Variants in HOXC6 observed in about 807,000 individuals in gnomAD.
HOXC6 encodes the protein homeobox C6, also known as homeobox protein Hox-C6.
HOXC6 carries 10 observed loss-of-function variants against 24.0 expected under a neutral mutation model. The observed-to-expected ratio is 0.42, with a 90% CI of 0.26 to 0.71. The LOEUF (loss-of-function observed/expected upper bound fraction) is 0.71, where lower values mean the gene tolerates loss of function less well. Among genes scored for constraint, HOXC6 ranks in the 30% least tolerant of loss-of-function variants. The pLI, the probability that HOXC6 is intolerant of heterozygous loss-of-function variation, is 0.28. For synonymous variants in HOXC6, 123 were observed against 128.1 expected, an observed-to-expected ratio of 0.96 and a Z score of 0.27; for missense variants, 258 against 303.4, an observed-to-expected ratio of 0.85 and a Z score of 1.11.
chr12:54,017,982 A>T (rs765366292), intron 1 of HOXC6, among the ~76,000 whole-genome samples: 10 of 152,184 alleles, frequency 6.6e-5, no homozygotes, highest in Non-Finnish European at 1.2e-4. Flanking sequence ...GCCGCCGAGC[A>T]GGAAGCCGGC....
chr12:54,028,353 C>T (rs113823335), upstream of HOXC6: 6 of 634,768 alleles, frequency 9.5e-6, no homozygotes, highest in African/African-American at 1.8e-5. Flanking sequence ...CGATTTTTTT[C>T]CCCCTTCCTG....
At position 54,028,565 on chromosome 12, in the gene HOXC6, CCGG is replaced by C; in HGVS notation, c.45_47del (p.Gly17del). The stretch of plus-strand genomic sequence containing the variant: ...AACCCTTCCTTATCCTGCCACCTCG[CCGG>C]GGGCCAGGACGTCCTCCCCAACGTC... On this transcript the variant is annotated inframe_deletion, in exon 1 of 2. Transcript: ENST00000243108. 6.2e-7 allele frequency: 1 copy of C among 1,614,168 alleles called. No homozygotes were observed. Among genetic ancestry groups the C allele is most frequent in the Non-Finnish European group, 8.5e-7 (1 of 1,180,038 alleles).
At position 54,029,964 on chromosome 12, in the gene HOXC6, C is replaced by T; in HGVS notation, c.*2C>T. The stretch of plus-strand genomic sequence containing the variant: ...GAAGAGGAGAAGCAGAAAGAGTGAC[C>T]AGGACTGTCCCTGCCACCCCTCTCT... On this transcript the variant is annotated 3_prime_UTR_variant, in exon 2 of 2. Coordinates refer to ENST00000243108, the MANE Select transcript of HOXC6 (RefSeq NM_004503.4). 6.5e-7 allele frequency: 1 copy of T among 1,544,974 alleles called. No individual in the cohort carries two copies. The highest frequency in any genetic ancestry group is 8.7e-7 in the Non-Finnish European group (1 of 1,145,298).
intron 1 of HOXC6, among the ~76,000 whole-genome samples, chr12:54,018,365 G>A (rs895197455): frequency 1.3e-5 from 2 of 152,196 alleles, no homozygotes; most frequent in Non-Finnish European, 2.9e-5. Flanking sequence ...GTGGAAATGG[G>A]GAAGGCCCTA....
chr12:54,017,748 T>A (rs556030838), intron 1 of HOXC6, among the ~76,000 whole-genome samples: 1 of 152,218 alleles, frequency 6.6e-6, no homozygotes, highest in African/African-American at 2.4e-5. Flanking sequence ...TTATTATAGA[T>A]CTTCGGTCTC....
At chr12:54,029,488 C>A in intron 1 of HOXC6, 167 bp from the exon 2 acceptor site, 1 of 397,724 alleles carries the variant, frequency 2.5e-6, no homozygotes, top group Non-Finnish European at 4.4e-6. Flanking sequence ...GGGGTCCTCG[C>A]TGTACCCCCA....
Position 54,030,134 on chromosome 12 carries a change from A to C in HOXC6, c.*172A>C. 1 of 604,528 alleles carries C rather than the reference A, an allele frequency of 1.7e-6. No individual in the cohort carries two copies. Among genetic ancestry groups the C allele is most frequent in the Non-Finnish European group, 2.8e-6 (1 of 354,530 alleles). 37.4% of individuals were successfully genotyped at this position (604,528 alleles called of 1,614,324 possible). On this transcript the variant is annotated 3_prime_UTR_variant, in exon 2 of 2. Coordinates refer to ENST00000243108, the MANE Select transcript of HOXC6 (RefSeq NM_004503.4). Reference sequence around the variant, plus strand: ...AAGTCAGCTCTGGACCCCCTCCCTCACCGCACAACTCTCTTTCACCACGCG... The same window carrying C: ...AAGTCAGCTCTGGACCCCCTCCCTCCCCGCACAACTCTCTTTCACCACGCG...
At chr12:54,023,622 C>T (rs138309212), upstream of HOXC6, among the ~76,000 whole-genome samples, 656 of 152,310 alleles carry the variant, frequency 4.3e-3, 5 homozygotes, top group African/African-American at 0.015. Context: ...TCCTTTCCCC[C>T]TCCCTGCTGA....
At chr12:54,018,351 G>T (rs1056037318) in intron 1 of HOXC6, among the ~76,000 whole-genome samples, 3 of 152,222 alleles carry the variant, frequency 2.0e-5, no homozygotes, top group Admixed American at 6.5e-5. Context: ...CGCCTCGGGG[G>T]GAGGTGGAAA....
chr12:54,029,875 G>C lies in HOXC6; in HGVS notation c.621G>C (p.Ser207=), dbSNP rs1236771363. 6.2e-7 allele frequency: 1 copy of C among 1,612,668 alleles called. No homozygotes were observed. The highest frequency in any genetic ancestry group is 8.5e-7 in the Non-Finnish European group (1 of 1,179,238). The change falls in exon 2 of 2, where the codon TCG becomes TCC. Residue 207 remains serine, a synonymous_variant. Transcript: ENST00000243108. ...KKESNLTSTL[S]GGGGGATADS... The stretch of plus-strand genomic sequence containing the variant: ...AATCTAATCTCACATCCACTCTCTC[G>C]GGGGGCGGCGGAGGGGCCACCGCCG...
chr12:54,030,063 G>A lies in HOXC6; in HGVS notation c.*101G>A. On this transcript the variant is annotated 3_prime_UTR_variant, in exon 2 of 2. Coordinates refer to ENST00000243108, the MANE Select transcript of HOXC6 (RefSeq NM_004503.4). ...TATTTATCACTGGCACAATTGATGT[G>A]TTTTGATTCCCTAAAACAAAATTAG... 3 of 1,211,876 alleles carry A rather than the reference G, an allele frequency of 2.5e-6. No individual in the cohort carries two copies. Among genetic ancestry groups the A allele is most frequent in the South Asian group, 1.7e-5 (1 of 59,310 alleles). 75.1% of individuals were successfully genotyped at this position (1,211,876 alleles called of 1,614,324 possible). A position where few individuals can be genotyped will look rare whatever the true frequency, so the allele number is the denominator to read the frequency against.
chr12:54,023,612 T>C (rs2136425136), upstream of HOXC6, among the ~76,000 whole-genome samples: 2 of 152,254 alleles, frequency 1.3e-5, no homozygotes, highest in South Asian at 2.1e-4. Flanking sequence ...GCCCTCTTCC[T>C]CCTTTCCCCC....
intron 1 of HOXC6, among the ~76,000 whole-genome samples, chr12:54,023,282 A>G (rs1940532697): frequency 6.6e-6 from 1 of 152,178 alleles, no homozygotes; most frequent in Admixed American, 6.5e-5. Flanking sequence ...GACCTATTTT[A>G]CGTTTTAACC....
rs2136439230 is a variant in HOXC6, at chr12:54,029,682, G to A, written c.428G>A (p.Arg143His). 1 of 1,613,670 alleles carries A rather than the reference G, an allele frequency of 6.2e-7. No homozygotes were observed. Residue 143 changes from arginine (R) to histidine (H), a missense_variant, in exon 2 of 2, where the codon CGC becomes CAC. Transcript: ENST00000243108. Reference sequence around the variant, plus strand: ...GTCGGCTACGGAGCGGACCGGAGGCGCGGCCGCCAGATCTACTCGCGGTAC... The same window carrying A: ...GTCGGCTACGGAGCGGACCGGAGGCACGGCCGCCAGATCTACTCGCGGTAC... ...SGVGYGADRR[R>H]GRQIYSRYQT...
At chr12:54,024,717 C>T (rs372521106), upstream of HOXC6, among the ~76,000 whole-genome samples, 28 of 152,224 alleles carry the variant, frequency 1.8e-4, no homozygotes, top group African/African-American at 6.7e-4. Flanking sequence ...TTTCCCTGGC[C>T]TAAAGGGGAG....
upstream of HOXC6, among the ~76,000 whole-genome samples, chr12:54,026,936 T>C (rs868174429): frequency 4.1e-3 from 565 of 138,550 alleles, 4 homozygotes; most frequent in African/African-American, 0.014. Flanking sequence ...TAGCCAGCTT[T>C]CCCCCCCCCC....
Position 54,030,159 on chromosome 12 carries a change from G to GCCT in HOXC6, c.*208_*210dup. 1.8e-6 allele frequency: 1 copy of GCCT among 541,014 alleles called. No individual in the cohort carries two copies. Among genetic ancestry groups the GCCT allele is most frequent in the Non-Finnish European group, 3.2e-6 (1 of 309,404 alleles). 33.5% of individuals were successfully genotyped at this position (541,014 alleles called of 1,614,324 possible). ...ACCGCACAACTCTCTTTCACCACGC[G>GCCT]CCTCCTCCTCCTCGCTCCCTTGCTA... On this transcript the variant is annotated 3_prime_UTR_variant, in exon 2 of 2. Coordinates refer to ENST00000243108, the MANE Select transcript of HOXC6 (RefSeq NM_004503.4).
chr12:54,023,930 C>T (rs1565737818), upstream of HOXC6, among the ~76,000 whole-genome samples: 1 of 152,132 alleles, frequency 6.6e-6, no homozygotes, highest in African/African-American at 2.4e-5. Context: ...AGGCTCTTTG[C>T]GATCTGATCC....
exon 1 of HOXC6, chr12:54,016,913 C>T (rs2136410368): frequency 6.6e-6 from 1 of 152,344 alleles, no homozygotes; most frequent in South Asian, 2.1e-4. Context: ...CTGTAAGAGC[C>T]TAACCATTGC....
Sources: allele counts gnomAD v4.1 joint callset (sites outside exome capture counted in the v4.1 genomes callset), GRCh38; gene constraint gnomAD v4.1.1; transcripts MANE v1.5; gene names NCBI Gene and HGNC (gene_info 2026-07-23, HGNC 2026-07-21).